CDH13: variants seen among roughly 807,000 people sequenced by gnomAD.
The protein encoded by CDH13 is cadherin-13.
Under a neutral mutation model 63.8 loss-of-function variants are expected in CDH13, and 24 were observed. That is an observed-to-expected ratio of 0.38 (90% confidence interval 0.27 to 0.53). The LOEUF (loss-of-function observed/expected upper bound fraction) is 0.53, where lower values mean the gene tolerates loss of function less well. CDH13 is among the 20% of genes least tolerant of loss of function. The pLI is 0.85. For missense variants in CDH13, 1,049 were observed against 903.1 expected, an observed-to-expected ratio of 1.16 and a Z score of -2.07; for synonymous variants, 503 against 355.3, an observed-to-expected ratio of 1.42 and a Z score of -4.67.
intron 5 of CDH13, among the ~76,000 whole-genome samples, chr16:83,271,748 A>G (rs1426034626): frequency 6.6e-6 from 1 of 152,170 alleles, no homozygotes; most frequent in Non-Finnish European, 1.5e-5. Context: ...AGAATTATTT[A>G]TTTAGGATAA....
At chr16:83,755,869 A>T (rs1203255259) in intron 11 of CDH13, among the ~76,000 whole-genome samples, 4 of 152,226 alleles carry the variant, frequency 2.6e-5, no homozygotes, top group African/African-American at 9.6e-5. Context: ...ACATAAATAA[A>T]AATAGAAAGT....
intron 5 of CDH13, among the ~76,000 whole-genome samples, chr16:83,286,403 C>T (rs2089313608): frequency 6.6e-6 from 1 of 152,158 alleles, no homozygotes; most frequent in Non-Finnish European, 1.5e-5. Flanking sequence ...AAAAGGCATG[C>T]TCCCTCTGGT....
intron 3 of CDH13, among the ~76,000 whole-genome samples, chr16:83,101,657 C>T (rs1017413871): frequency 1.3e-5 from 2 of 151,960 alleles, no homozygotes; most frequent in East Asian, 1.9e-4. Context: ...AGCTGGGTGT[C>T]GTTTTGCATG....
At chr16:82,902,131 A>C (rs1230209218) in intron 2 of CDH13, among the ~76,000 whole-genome samples, 1 of 152,178 alleles carries the variant, frequency 6.6e-6, no homozygotes. Flanking sequence ...GGAAAGAACT[A>C]AAAGGCTTGC....
intron 5 of CDH13, among the ~76,000 whole-genome samples, chr16:83,254,953 TTCTTTC>T (rs1335856520): frequency 2.6e-3 from 5 of 1,932 alleles, no homozygotes; most frequent in African/African-American, 3.0e-3. Context: ...CTTTTTCTCT[TTCTTTC>T]TTTCTTTCTT....
intron 1 of CDH13, among the ~76,000 whole-genome samples, chr16:82,751,515 C>T (rs1388556003): frequency 6.6e-6 from 1 of 152,046 alleles, no homozygotes; most frequent in Non-Finnish European, 1.5e-5. Context: ...CTAGCATGGA[C>T]CAGAGCTCTG....
intron 1 of CDH13, among the ~76,000 whole-genome samples, chr16:82,811,227 C>G (rs117493825): frequency 0.047 from 7,136 of 152,158 alleles, 229 homozygotes; most frequent in Non-Finnish European, 0.07. Flanking sequence ...AAATTGGTAG[C>G]TTGAAATCAA....
chr16:82,873,036 A>C (rs1320138781), intron 2 of CDH13, among the ~76,000 whole-genome samples: 1 of 152,174 alleles, frequency 6.6e-6, no homozygotes, highest in East Asian at 1.9e-4. Context: ...GAAATAAGGC[A>C]AGGTCATATG....
At chr16:83,014,036 A>G (rs539163225) in intron 2 of CDH13, among the ~76,000 whole-genome samples, 1 of 152,162 alleles carries the variant, frequency 6.6e-6, no homozygotes, top group Non-Finnish European at 1.5e-5. Context: ...CAAACAAGAC[A>G]CTTTCTTCCC....
chr16:83,317,802 GA>G (rs746277121), intron 5 of CDH13, among the ~76,000 whole-genome samples: 130 of 132,806 alleles, frequency 9.8e-4, no homozygotes, highest in Middle Eastern at 3.7e-3. Context: ...TCTGTCTCAA[GA>G]AAAAAAAAAA....
At chr16:83,070,900 T>G (rs2032384122) in intron 3 of CDH13, among the ~76,000 whole-genome samples, 1 of 143,524 alleles carries the variant, frequency 7.0e-6, no homozygotes, top group Non-Finnish European at 1.5e-5. Context: ...CAGGAGTTTA[T>G]TTATTGCTCA....
chr16:82,946,627 G>A lies in CDH13; in HGVS notation c.158-85383G>A, dbSNP rs557772383. ...TCCCAGCTGCTTAGGAGGCTGAGGC[G>A]TGAAAATTGCTTGAAACCAGGAGGT... is the stretch of plus-strand genomic sequence containing the variant. On this transcript the variant is annotated intron_variant, in intron 2 of 13. Coordinates refer to ENST00000567109, the MANE Select transcript of CDH13 (RefSeq NM_001257.5). Among the ~76,000 whole-genome samples, 17 of 152,026 alleles carry A rather than the reference G, an allele frequency of 1.1e-4. No homozygotes were observed. The East Asian group carries it at 1.4e-3, about 12-fold the overall frequency.
chr16:83,240,146 C>G (rs187615394), intron 5 of CDH13, among the ~76,000 whole-genome samples: 1 of 152,236 alleles, frequency 6.6e-6, no homozygotes. Flanking sequence ...CTTTTAGCTG[C>G]TCTGCCTTTG....
At chr16:83,571,830 A>G (rs571662779) in intron 7 of CDH13, among the ~76,000 whole-genome samples, 1 of 152,152 alleles carries the variant, frequency 6.6e-6, no homozygotes, top group South Asian at 2.1e-4. Flanking sequence ...GCTAGAAACT[A>G]CCTACCAAAC....
At chr16:83,291,636 C>T (rs946848916) in intron 5 of CDH13, among the ~76,000 whole-genome samples, 3 of 151,538 alleles carry the variant, frequency 2.0e-5, no homozygotes, top group African/African-American at 7.3e-5. Context: ...TCTTGGTGGC[C>T]GTCATAACTG....
chr16:83,778,688 T>C (rs1437988224), intron 11 of CDH13, among the ~76,000 whole-genome samples: 5 of 152,198 alleles, frequency 3.3e-5, no homozygotes, highest in African/African-American at 1.2e-4. Flanking sequence ...TGATGATTGC[T>C]TCTATGCCCC....
At chr16:83,098,970 G>C (rs567058326) in intron 3 of CDH13, among the ~76,000 whole-genome samples, 1 of 152,088 alleles carries the variant, frequency 6.6e-6, no homozygotes. Context: ...TGTCATGACA[G>C]AATGCACTTT....
intron 7 of CDH13, among the ~76,000 whole-genome samples, chr16:83,555,113 C>G (rs1270610018): frequency 6.6e-6 from 1 of 152,076 alleles, no homozygotes; most frequent in Non-Finnish European, 1.5e-5. Context: ...ACAGAGAGAG[C>G]GAGCTACTTT....
chr16:83,110,255 T>C (rs1432223645), intron 3 of CDH13, among the ~76,000 whole-genome samples: 2 of 152,218 alleles, frequency 1.3e-5, no homozygotes, highest in Non-Finnish European at 1.5e-5. Context: ...AACTGCTGCT[T>C]CTTTAAAATA....
Sources: allele counts gnomAD v4.1 joint callset (sites outside exome capture counted in the v4.1 genomes callset), GRCh38; gene constraint gnomAD v4.1.1; transcripts MANE v1.5; gene names NCBI Gene and HGNC (gene_info 2026-07-23, HGNC 2026-07-21).